The following TCN2 variants were observed in gnomAD, a reference collection of about 807,000 sequenced individuals.
The protein encoded by TCN2 is transcobalamin-2.
Under a neutral mutation model 48.6 loss-of-function variants are expected in TCN2, and 34 were observed. The observed-to-expected ratio is 0.70, with a 90% CI of 0.53 to 0.93. The LOEUF (loss-of-function observed/expected upper bound fraction) is 0.93. Ranked by LOEUF, TCN2 falls within the 40% of genes least tolerant of loss-of-function variation. The pLI is 0.00. For synonymous variants in TCN2, 283 were observed against 212.5 expected (o/e 1.33, Z -2.89); for missense variants, 652 against 526.1 (o/e 1.24, Z -2.34).
Position 30,626,524 on chromosome 22 carries a change from C to G in TCN2, c.*3C>G, listed in dbSNP as rs765234343. The stretch of plus-strand genomic sequence containing the variant: ...AGCTGAGGCTGGTTAGCTGGTAGCC[C>G]CTGAGCTCCCTCATCCCAGCAGCCT... On this transcript the variant is annotated 3_prime_UTR_variant, in exon 9 of 9. Coordinates refer to ENST00000215838, the MANE Select transcript of TCN2 (RefSeq NM_000355.4). 1 of 1,613,912 alleles carries G rather than the reference C, an allele frequency of 6.2e-7. No homozygotes were observed. Among genetic ancestry groups the G allele is most frequent in the Non-Finnish European group, 8.5e-7 (1 of 1,180,024 alleles).
intron 2 of TCN2, 44 bp downstream of exon 2, chr22:30,611,107 A>G: frequency 6.2e-7 from 1 of 1,613,170 alleles, no homozygotes; most frequent in Admixed American, 1.7e-5. Context: ...CCACATACTA[A>G]GAGATGGGAA....
intron 8 of TCN2, among the ~76,000 whole-genome samples, chr22:30,625,886 G>T (rs553256681): frequency 6.6e-6 from 1 of 152,068 alleles, no homozygotes; most frequent in Admixed American, 6.6e-5. Flanking sequence ...ATACATTTTG[G>T]GGGGACACAG....
intron 8 of TCN2, among the ~76,000 whole-genome samples, chr22:30,623,853 CAT>C (rs1197762313): frequency 4.0e-5 from 2 of 50,378 alleles, no homozygotes; most frequent in African/African-American, 1.7e-4. Context: ...CATACATACA[CAT>C]ACATACACAC....
chr22:30,611,435 ACT>A (rs1335105419), intron 2 of TCN2, among the ~76,000 whole-genome samples: 2 of 152,066 alleles, frequency 1.3e-5, no homozygotes, highest in Non-Finnish European at 2.9e-5. Context: ...GCAGCATCTG[ACT>A]CTGTATGCTC....
At position 30,614,417 on chromosome 22, in the gene TCN2, C is replaced by G. The variant is rs1444480553; in HGVS notation, c.496C>G (p.Leu166Val). The change falls in exon 4 of 9, where the codon CTC (leucine) becomes GTC (valine). Residue 166 changes from leucine (L) to valine (V), a missense_variant. Transcript: ENST00000215838. ...TGGCCTGGGCATTCTGGCCCTGTGT[C>G]TCCACCAGAAGCGGGTCCATGACAG... Reference protein sequence around the residue: ...QYGLGILALCLHQKRVHDSVV... With the variant: ...QYGLGILALCVHQKRVHDSVV... 6.2e-7 allele frequency: 1 copy of G among 1,613,124 alleles called. No individual in the cohort carries two copies. The highest frequency in any genetic ancestry group is 8.5e-7 in the Non-Finnish European group (1 of 1,179,150).
chr22:30,613,066 G>GGT, intron 3 of TCN2, 24 bp downstream of exon 3: 1 of 1,613,122 alleles, frequency 6.2e-7, no homozygotes, highest in Non-Finnish European at 8.5e-7. Context: ...ATCCGCTGGG[G>GGT]GTGGGGAGCA....
In TCN2 at chr22:30,615,611, C is replaced by T. The variant is rs1049527214; in HGVS notation, c.764C>T (p.Thr255Ile). 1 of 1,614,166 alleles carries T rather than the reference C, an allele frequency of 6.2e-7. No individual in the cohort carries two copies. Among genetic ancestry groups the T allele is most frequent in the African/African-American group, 1.3e-5 (1 of 75,064 alleles). ...TCACTCTATCACCAGTTCCTCATGA[C>T]TTCCCCCATGCGTGGGGCAGAACTG... ...STPLALQFLMTSPMRGAELGT... is the reference protein window; with the variant it reads ...STPLALQFLMISPMRGAELGT... Residue 255 changes from threonine to isoleucine, a missense_variant, in exon 6 of 9, where the codon ACT (threonine) becomes ATT (isoleucine). Thr to Ile is a moderately conservative substitution (Grantham distance 89). Coordinates refer to ENST00000215838, the MANE Select transcript of TCN2 (RefSeq NM_000355.4).
At chr22:30,625,459 G>A (rs1380522386) in intron 8 of TCN2, among the ~76,000 whole-genome samples, 1 of 151,692 alleles carries the variant, frequency 6.6e-6, no homozygotes, top group African/African-American at 2.4e-5. Context: ...TTTTATAATG[G>A]TACTTAAAAA....
Position 30,614,429 on chromosome 22 carries a change from C to T in TCN2, c.508C>T (p.Arg170Trp), listed in dbSNP as rs200135085. 60 of 1,614,046 alleles carry T rather than the reference C, an allele frequency of 3.7e-5. No homozygotes were observed. The Middle Eastern group carries it at 9.9e-4, about 27-fold the overall frequency. The part of the protein sequence containing the change: ...GILALCLHQK[R>W]VHDSVVDKLL... ...TCTGGCCCTGTGTCTCCACCAGAAG[C>T]GGGTCCATGACAGCGTGGTGGACAA... Residue 170 changes from arginine to tryptophan, a missense_variant, in exon 4 of 9, where the codon CGG becomes TGG. Physicochemically the swap from Arg to Trp is moderately radical, Grantham distance 101 (BLOSUM62 -3). Coordinates refer to ENST00000215838, the MANE Select transcript of TCN2 (RefSeq NM_000355.4).
rs2072195 is a variant in TCN2, at chr22:30,626,746, A to T, written c.*225A>T. 0.069 allele frequency: 42,457 copies of T among 613,678 alleles called. 4,745 individuals carry two copies. Among genetic ancestry groups the T allele is most frequent in the African/African-American group, 0.32 (17,590 of 54,792 alleles). 38.0% of individuals were successfully genotyped at this position (613,678 alleles called of 1,614,324 possible). On this transcript the variant is annotated 3_prime_UTR_variant, in exon 9 of 9. Transcript: ENST00000215838. ...CTTCCCTGGGAAGTCTTTCTGGCCA[A>T]GTCTGGCCAGCCTGGCCCTGCAGGT...
Position 30,615,663 on chromosome 22 carries a change from T to A in TCN2, c.816T>A (p.Val272=). The A allele has an allele frequency of 3.1e-6, 5 of 1,614,210 alleles. No individual in the cohort carries two copies. Among genetic ancestry groups the A allele is most frequent in the Non-Finnish European group, 4.2e-6 (5 of 1,180,036 alleles). Reference sequence around the variant, plus strand: ...GAACAGCATGTCTCAAGGCGAGGGTTGCTTTGCTGGCCAGTCTGCAGGATG... The same window carrying A: ...GAACAGCATGTCTCAAGGCGAGGGTAGCTTTGCTGGCCAGTCTGCAGGATG... ...ELGTACLKAR[V]ALLASLQDGA... Residue 272 remains valine (V), a synonymous_variant, in exon 6 of 9, where the codon GTT becomes GTA. Coordinates refer to ENST00000215838, the MANE Select transcript of TCN2 (RefSeq NM_000355.4).
intron 6 of TCN2, among the ~76,000 whole-genome samples, chr22:30,616,430 G>A (rs539959016): frequency 3.3e-5 from 5 of 151,160 alleles, no homozygotes; most frequent in Non-Finnish European, 7.4e-5. Flanking sequence ...GGAGGTTGCA[G>A]TGAGCCAAGA....
Position 30,624,081 on chromosome 22 carries a change from T to TATA in TCN2, c.1222+998_1222+999insATA, listed in dbSNP as rs1491180360. 4.6e-4 allele frequency among the ~76,000 whole-genome samples: 25 copies of TATA among 54,732 alleles called. 3 individuals carry two copies. In the East Asian group the frequency reaches 0.011, roughly 24 times the overall value. The allele number at this position is 54,732 out of a possible 152,430, so 35.9% of individuals were successfully genotyped here. A position where few individuals can be genotyped will look rare whatever the true frequency, so the allele number is the denominator to read the frequency against. Reference sequence around the variant, plus strand: ...ACACACATATATATATATATATATATTTTTTTTTTTTGAGATGGAGTCTTG... The same window carrying TATA: ...ACACACATATATATATATATATATATATATTTTTTTTTTTGAGATGGAGTCTTG... On this transcript the variant is annotated intron_variant, in intron 8 of 8. Transcript: ENST00000215838.
chr22:30,623,251 T>C (rs1212291933), intron 8 of TCN2, 168 bp downstream of exon 8: 1 of 588,432 alleles, frequency 1.7e-6, no homozygotes, highest in African/African-American at 1.9e-5. Context: ...GCCTTAGAAT[T>C]TTTATGCAAG....
chr22:30,608,645 C>T (rs9609018), intron 1 of TCN2, among the ~76,000 whole-genome samples: 1,780 of 152,310 alleles, frequency 0.012, 19 homozygotes, highest in Non-Finnish European at 0.021. Context: ...TTGCGTCGGC[C>T]TCCCAAATTG....
intron 1 of TCN2, chr22:30,610,137 G>A (rs897048640): frequency 6.5e-6 from 3 of 463,132 alleles, no homozygotes; most frequent in African/African-American, 6.0e-5. Flanking sequence ...TCGTTGCACA[G>A]CTTCGAATAA....
Position 30,614,549 on chromosome 22 carries a change from C to T in TCN2, c.580+48C>T, listed in dbSNP as rs763508199. ...AGGCCAGGCTGGCACTCCCTCAGTC[C>T]CCAGGTCTGCACTGATGACCTCCAT... On this transcript the variant is annotated intron_variant, in intron 4 of 8. Coordinates refer to ENST00000215838, the MANE Select transcript of TCN2 (RefSeq NM_000355.4). The T allele has an allele frequency of 6.8e-6, 11 of 1,611,788 alleles. No individual in the cohort carries two copies. The Admixed American group carries it at 8.3e-5, about 12-fold the overall frequency.
chr22:30,614,410 C>T lies in TCN2; in HGVS notation c.489C>T (p.Ala163=), dbSNP rs766585202. 6.8e-6 allele frequency: 11 copies of T among 1,614,114 alleles called. No individual in the cohort carries two copies. The African/African-American group carries it at 1.1e-4, about 16-fold the overall frequency. The part of the protein sequence containing the change: ...SYYQYGLGIL[A]LCLHQKRVHD... ...ACCAGTATGGCCTGGGCATTCTGGC[C>T]CTGTGTCTCCACCAGAAGCGGGTCC... The change falls in exon 4 of 9, where the codon GCC becomes GCT. Residue 163 remains alanine, a synonymous_variant. Coordinates refer to ENST00000215838, the MANE Select transcript of TCN2 (RefSeq NM_000355.4).
chr22:30,614,014 A>G (rs1331846782), intron 3 of TCN2, among the ~76,000 whole-genome samples: 1 of 152,148 alleles, frequency 6.6e-6, no homozygotes, highest in African/African-American at 2.4e-5. Flanking sequence ...CGTCTCCAGC[A>G]TTACCTCCTT....
Sources: allele counts gnomAD v4.1 joint callset (sites outside exome capture counted in the v4.1 genomes callset), GRCh38; gene constraint gnomAD v4.1.1; transcripts MANE v1.5; gene names NCBI Gene and HGNC (gene_info 2026-07-23, HGNC 2026-07-21).